The following CSMD1 variants were observed in gnomAD, a reference collection of about 807,000 sequenced individuals.
CSMD1 encodes the protein CUB and sushi domain-containing protein 1.
Under a neutral mutation model 417.5 loss-of-function variants are expected in CSMD1, and 213 were observed. The ratio of observed to expected loss-of-function variants is 0.51; its 90% CI spans 0.46 to 0.57. The LOEUF (loss-of-function observed/expected upper bound fraction) is 0.57. Among genes scored for constraint, CSMD1 ranks in the 20% least tolerant of loss-of-function variants. CSMD1 has a pLI of 0.00. For missense variants in CSMD1, 6,923 were observed against 4,529.7 expected (o/e 1.53, Z -15.17); for synonymous variants, 2,862 against 1,736.8 (o/e 1.65, Z -16.11).
In CSMD1 at chr8:4,291,786, A is replaced by G. The variant is rs1044391568; in HGVS notation, c.415+128167T>C. Reference sequence around the variant, plus strand: ...TAACTAGCTACTTTTAAGAGCTAATATAAGACAAGTAATATCTGGTTCTGA... The same window carrying G: ...TAACTAGCTACTTTTAAGAGCTAATGTAAGACAAGTAATATCTGGTTCTGA... On this transcript the variant is annotated intron_variant, in intron 3 of 69. Transcript: ENST00000635120. Among the ~76,000 whole-genome samples the G allele has an allele frequency of 2.6e-5, 4 of 152,268 alleles. No homozygotes were observed. The East Asian group carries it at 5.8e-4, about 22-fold the overall frequency.
At chr8:3,961,150 T>G (rs982570356) in intron 5 of CSMD1, among the ~76,000 whole-genome samples, 2 of 152,164 alleles carry the variant, frequency 1.3e-5, no homozygotes, top group Non-Finnish European at 2.9e-5. Context: ...CATAATAGTC[T>G]CTGTATTTCA....
chr8:4,298,191 G>A (rs191378398), intron 3 of CSMD1, among the ~76,000 whole-genome samples: 157 of 152,262 alleles, frequency 1.0e-3, no homozygotes, highest in African/African-American at 3.7e-3. Flanking sequence ...ATCTGCCTTA[G>A]TTAAATGAAG....
chr8:3,691,732 T>G (rs928576304), intron 7 of CSMD1, among the ~76,000 whole-genome samples: 8 of 152,092 alleles, frequency 5.3e-5, no homozygotes, highest in Non-Finnish European at 8.8e-5. Context: ...TTATCGCTAT[T>G]TTAGAATTTG....
At chr8:4,198,595 T>G (rs532870972) in intron 3 of CSMD1, among the ~76,000 whole-genome samples, 1 of 152,166 alleles carries the variant, frequency 6.6e-6, no homozygotes, top group South Asian at 2.1e-4. Context: ...GCCTTTGATT[T>G]TAACGTAATG....
intron 3 of CSMD1, among the ~76,000 whole-genome samples, chr8:4,091,182 G>A (rs560085946): frequency 2.0e-5 from 3 of 152,090 alleles, no homozygotes; most frequent in Admixed American, 1.3e-4. Flanking sequence ...GCCTCCCAAA[G>A]TGCTGGGATT....
Position 3,110,231 on chromosome 8 carries a change from G to A in CSMD1, c.6535C>T (p.Pro2179Ser). Residue 2179 changes from proline (P) to serine (S), a missense_variant, in exon 43 of 70, where the codon CCT (proline) becomes TCT (serine). Physicochemically the swap from Pro to Ser is moderately conservative, Grantham distance 74. Transcript: ENST00000635120. ...LKDCIWLITV[P>S]PGHGVYINFT... The stretch of plus-strand genomic sequence containing the variant: ...TTGATGTAAACTCCGTGCCCTGGAG[G>A]CACCGTGATGAGCCAAATGCAGTCC... The A allele has an allele frequency of 6.2e-7, 1 of 1,613,132 alleles. No homozygotes were observed. The highest frequency in any genetic ancestry group is 8.5e-7 in the Non-Finnish European group (1 of 1,179,542).
At chr8:3,855,602 C>A (rs1406189563) in intron 5 of CSMD1, among the ~76,000 whole-genome samples, 1 of 152,118 alleles carries the variant, frequency 6.6e-6, no homozygotes, top group Non-Finnish European at 1.5e-5. Context: ...TGCCAGATGA[C>A]TGAGTATGCT....
intron 46 of CSMD1, among the ~76,000 whole-genome samples, chr8:3,102,413 T>C (rs1397782687): frequency 6.6e-6 from 1 of 152,162 alleles, no homozygotes. Context: ...CCTGTTCGCC[T>C]CCTGAGGTGT....
chr8:2,983,168 A>T (rs58651743), intron 54 of CSMD1, among the ~76,000 whole-genome samples: 4,852 of 152,142 alleles, frequency 0.032, 257 homozygotes, highest in African/African-American at 0.11. Flanking sequence ...CAGAATCTAT[A>T]TCTGATATAT....
intron 1 of CSMD1, chr8:4,787,980 C>A: frequency 6.3e-7 from 1 of 1,594,252 alleles, no homozygotes; most frequent in Non-Finnish European, 8.6e-7. Flanking sequence ...AGATCGAAGC[C>A]AACAGAAAGA....
chr8:4,748,312 G>A (rs562217134), intron 1 of CSMD1, among the ~76,000 whole-genome samples: 12 of 152,236 alleles, frequency 7.9e-5, no homozygotes, highest in Non-Finnish European at 1.5e-4. Context: ...AAGCCAGAGT[G>A]CACCATCTGA....
intron 6 of CSMD1, among the ~76,000 whole-genome samples, chr8:3,726,495 T>G (rs965819786): frequency 1.3e-5 from 2 of 151,968 alleles, no homozygotes; most frequent in African/African-American, 2.4e-5. Flanking sequence ...AAACCAGAGA[T>G]GAGAGGCCAA....
intron 23 of CSMD1, among the ~76,000 whole-genome samples, chr8:3,335,162 C>G (rs1259100818): frequency 1.3e-5 from 2 of 152,148 alleles, no homozygotes; most frequent in East Asian, 3.9e-4. Context: ...GTTTCTCTCT[C>G]CCTCCCTCTC....
At chr8:3,982,468 T>C (rs533747474) in intron 5 of CSMD1, among the ~76,000 whole-genome samples, 2 of 152,146 alleles carry the variant, frequency 1.3e-5, no homozygotes, top group African/African-American at 4.8e-5. Context: ...ATGATTACTA[T>C]TAGTATATAC....
chr8:4,967,276 CTT>C (rs1389292194), intron 1 of CSMD1, among the ~76,000 whole-genome samples: 5 of 152,186 alleles, frequency 3.3e-5, no homozygotes, highest in Non-Finnish European at 5.9e-5. Context: ...CAATTATTCT[CTT>C]GTCTGTAGCC....
At chr8:3,803,435 T>A (rs900081906) in intron 5 of CSMD1, among the ~76,000 whole-genome samples, 25 of 152,112 alleles carry the variant, frequency 1.6e-4, no homozygotes, top group African/African-American at 6.0e-4. Context: ...GTCAAGGAGA[T>A]TACTCAAAGG....
intron 1 of CSMD1, among the ~76,000 whole-genome samples, chr8:4,974,779 T>G (rs1810449605): frequency 6.6e-6 from 1 of 152,146 alleles, no homozygotes; most frequent in Admixed American, 6.5e-5. Flanking sequence ...GCCTCAAATC[T>G]TTGTCAGGAA....
chr8:3,429,625 A>C (rs184636369), intron 12 of CSMD1, among the ~76,000 whole-genome samples: 21 of 152,308 alleles, frequency 1.4e-4, no homozygotes, highest in Admixed American at 1.3e-3. Flanking sequence ...TGGTGAAAAC[A>C]AGGGTTGATG....
At chr8:4,499,726 G>A (rs1802159128) in intron 2 of CSMD1, among the ~76,000 whole-genome samples, 1 of 152,196 alleles carries the variant, frequency 6.6e-6, no homozygotes, top group African/African-American at 2.4e-5. Context: ...AGTTGATATG[G>A]GCATTGACAA....
Sources: gnomAD v4.1 joint callset for allele counts (sites outside exome capture counted in the v4.1 genomes callset) on GRCh38, gnomAD v4.1.1 for gene constraint, MANE v1.5 for transcripts, NCBI Gene and HGNC (gene_info 2026-07-23, HGNC 2026-07-21) for gene names.